The following CADM2 variants were observed in gnomAD, a reference collection of about 807,000 sequenced individuals.
CADM2 encodes immunoglobulin superfamily member 4D.
In CADM2, 12 loss-of-function variants were observed where a neutral mutation model predicts 49.8. The ratio of observed to expected loss-of-function variants is 0.24; its 90% confidence interval spans 0.15 to 0.39. CADM2 has a LOEUF of 0.39. CADM2 is among the 10% of genes least tolerant of loss of function. CADM2 has a pLI of 1.00. For synonymous variants in CADM2, 214 were observed against 175.4 expected, an observed-to-expected ratio of 1.22 and a Z score of -1.74; for missense variants, 378 against 492.3, an observed-to-expected ratio of 0.77 and a Z score of 2.20.
At chr3:85,711,781 G>T (rs1419415279) in intron 1 of CADM2, among the ~76,000 whole-genome samples, 1 of 152,120 alleles carries the variant, frequency 6.6e-6, no homozygotes, top group Non-Finnish European at 1.5e-5. Flanking sequence ...ATGGCCTACT[G>T]TAATTTTTAA....
chr3:85,985,866 G>T (rs1414291059), intron 8 of CADM2, among the ~76,000 whole-genome samples: 1 of 151,962 alleles, frequency 6.6e-6, no homozygotes, highest in East Asian at 1.9e-4. Flanking sequence ...ATTGTTGAAA[G>T]GTTGGGATGA....
chr3:85,085,535 A>T (rs2037334865), intron 1 of CADM2, among the ~76,000 whole-genome samples: 1 of 151,998 alleles, frequency 6.6e-6, no homozygotes, highest in African/African-American at 2.4e-5. Flanking sequence ...GATCCCTGTT[A>T]GTTTATTCTT....
intron 8 of CADM2, chr3:85,979,295 T>G (rs1174678250): frequency 2.5e-6 from 4 of 1,608,792 alleles, no homozygotes; most frequent in Non-Finnish European, 3.4e-6. Context: ...TACAGTATGT[T>G]TCTTTGTTAT....
intron 2 of CADM2, among the ~76,000 whole-genome samples, chr3:85,740,601 G>T (rs543125629): frequency 1.3e-5 from 2 of 151,874 alleles, no homozygotes; most frequent in African/African-American, 2.4e-5. Flanking sequence ...AGAATATGAG[G>T]CCATAATCAT....
chr3:85,561,164 TTGTTCA>T (rs902339605), intron 1 of CADM2, among the ~76,000 whole-genome samples: 3 of 152,214 alleles, frequency 2.0e-5, no homozygotes, highest in African/African-American at 4.8e-5. Flanking sequence ...GTTTTTTATA[TTGTTCA>T]TGTTCATTGT....
chr3:85,621,050 T>G (rs144310710), intron 1 of CADM2, among the ~76,000 whole-genome samples: 1 of 152,266 alleles, frequency 6.6e-6, no homozygotes, highest in Non-Finnish European at 1.5e-5. Context: ...TTTTTTAAGG[T>G]AATATTCTTC....
chr3:85,869,244 T>G (rs1476307101), intron 3 of CADM2, among the ~76,000 whole-genome samples: 1 of 152,192 alleles, frequency 6.6e-6, no homozygotes, highest in Non-Finnish European at 1.5e-5. Context: ...TTACTCACTT[T>G]TTTTTGGCTG....
At chr3:85,734,737 T>A (rs1014868478) in intron 2 of CADM2, among the ~76,000 whole-genome samples, 2 of 148,114 alleles carry the variant, frequency 1.4e-5, no homozygotes, top group African/African-American at 4.9e-5. Flanking sequence ...AAATATAATA[T>A]GTATACATAC....
intron 2 of CADM2, among the ~76,000 whole-genome samples, chr3:85,796,988 G>A (rs944567052): frequency 2.6e-5 from 4 of 151,606 alleles, no homozygotes; most frequent in African/African-American, 9.7e-5. Context: ...CCAGCTACTC[G>A]GGAGGCTGAG....
chr3:85,377,037 C>A (rs907557486), intron 1 of CADM2, among the ~76,000 whole-genome samples: 1 of 152,010 alleles, frequency 6.6e-6, no homozygotes, highest in Non-Finnish European at 1.5e-5. Flanking sequence ...CAGAATCTGA[C>A]CTAGTTTACA....
chr3:85,064,170 G>A (rs1206066675), intron 1 of CADM2, among the ~76,000 whole-genome samples: 2 of 152,194 alleles, frequency 1.3e-5, no homozygotes, highest in South Asian at 2.1e-4. Flanking sequence ...TGTATCAATT[G>A]TTATACATTG....
intron 8 of CADM2, among the ~76,000 whole-genome samples, chr3:85,982,528 C>G (rs147382532): frequency 1.3e-5 from 2 of 151,640 alleles, no homozygotes; most frequent in African/African-American, 4.8e-5. Context: ...GTTAGCCTAA[C>G]GCCCATTTTT....
At chr3:85,744,413 C>T (rs182394459) in intron 2 of CADM2, among the ~76,000 whole-genome samples, 7 of 151,830 alleles carry the variant, frequency 4.6e-5, no homozygotes, top group Admixed American at 4.6e-4. Flanking sequence ...TGAAGGAGAT[C>T]GCATTTACTC....
At chr3:85,140,676 C>G (rs2039550237) in intron 1 of CADM2, among the ~76,000 whole-genome samples, 2 of 152,126 alleles carry the variant, frequency 1.3e-5, no homozygotes, top group Non-Finnish European at 2.9e-5. Context: ...GGTTAAGTAA[C>G]TTGCTGAAAT....
chr3:85,181,965 T>C (rs1028533903), intron 1 of CADM2, among the ~76,000 whole-genome samples: 4 of 149,254 alleles, frequency 2.7e-5, no homozygotes, highest in Non-Finnish European at 5.9e-5. Flanking sequence ...ATATTATAAT[T>C]TATATTGAAT....
At chr3:85,226,383 C>A (rs916449217) in intron 1 of CADM2, among the ~76,000 whole-genome samples, 1 of 151,858 alleles carries the variant, frequency 6.6e-6, no homozygotes, top group African/African-American at 2.4e-5. Context: ...TTATCCATTT[C>A]TTCTAGACTT....
At chr3:85,626,443 T>C (rs1053500430) in intron 1 of CADM2, among the ~76,000 whole-genome samples, 3 of 151,886 alleles carry the variant, frequency 2.0e-5, no homozygotes, top group African/African-American at 4.8e-5. Flanking sequence ...TATCTTTCTT[T>C]TTCTCAAAAA....
chr3:85,794,453 G>C (rs1279519122), intron 2 of CADM2, among the ~76,000 whole-genome samples: 1 of 152,166 alleles, frequency 6.6e-6, no homozygotes, highest in African/African-American at 2.4e-5. Context: ...ACCTTAATTG[G>C]ATTAGAATCA....
At chr3:85,391,714 A>G (rs2034527354) in intron 1 of CADM2, among the ~76,000 whole-genome samples, 1 of 152,094 alleles carries the variant, frequency 6.6e-6, no homozygotes, top group Non-Finnish European at 1.5e-5. Context: ...TCTTAGATAC[A>G]GATTTGTTAT....
Sources: allele counts gnomAD v4.1 joint callset (sites outside exome capture counted in the v4.1 genomes callset), GRCh38; gene constraint gnomAD v4.1.1; transcripts MANE v1.5; gene names NCBI Gene and HGNC (gene_info 2026-07-23, HGNC 2026-07-21).